The following HCN1 variants were observed in gnomAD, a reference collection of about 807,000 sequenced individuals.
The protein encoded by HCN1 is hyperpolarization activated cyclic nucleotide gated potassium channel 1.
In HCN1, 13 loss-of-function variants were observed where a neutral mutation model predicts 78.9. The observed-to-expected ratio is 0.16, with a 90% CI of 0.11 to 0.26. The LOEUF (loss-of-function observed/expected upper bound fraction) is 0.26. HCN1 is among the 10% of genes least tolerant of loss of function. The pLI, the probability that HCN1 is intolerant of heterozygous loss-of-function variation, is 1.00. For synonymous variants in HCN1, 552 were observed against 455.5 expected (o/e 1.21, Z -2.70); for missense variants, 810 against 1,154.3 (o/e 0.70, Z 4.32).
chr5:45,462,356 G>T (rs887074042), intron 2 of HCN1, among the ~76,000 whole-genome samples: 1 of 152,046 alleles, frequency 6.6e-6, no homozygotes, highest in African/African-American at 2.4e-5. Context: ...TACAAATGAT[G>T]GGTAGCTTCT....
intron 3 of HCN1, among the ~76,000 whole-genome samples, chr5:45,399,522 C>T (rs1215964436): frequency 6.6e-6 from 1 of 152,162 alleles, no homozygotes; most frequent in East Asian, 1.9e-4. Flanking sequence ...ATCAATGAAG[C>T]CAAACCTGCA....
chr5:45,301,293 C>G (rs1443147571), intron 6 of HCN1, among the ~76,000 whole-genome samples: 1 of 136,650 alleles, frequency 7.3e-6, no homozygotes, highest in African/African-American at 2.8e-5. Context: ...ATTATACTCA[C>G]AAATATACTT....
intron 6 of HCN1, among the ~76,000 whole-genome samples, chr5:45,280,951 C>T (rs1184285541): frequency 6.6e-6 from 1 of 151,420 alleles, no homozygotes; most frequent in African/African-American, 2.4e-5. Context: ...AGTTGGTTTA[C>T]CAGTTTAATT....
intron 2 of HCN1, among the ~76,000 whole-genome samples, chr5:45,572,497 T>C (rs1359814026): frequency 6.6e-6 from 1 of 152,230 alleles, no homozygotes; most frequent in Non-Finnish European, 1.5e-5. Context: ...TATAAATGAT[T>C]TTTTAAAAAG....
chr5:45,383,715 T>A (rs1304074390), intron 4 of HCN1, among the ~76,000 whole-genome samples: 1 of 141,344 alleles, frequency 7.1e-6, no homozygotes, highest in Non-Finnish European at 1.5e-5. Flanking sequence ...AGAGACAGAT[T>A]CTGTTTCAAA....
chr5:45,368,425 T>C (rs1747278926), intron 4 of HCN1, among the ~76,000 whole-genome samples: 1 of 152,040 alleles, frequency 6.6e-6, no homozygotes, highest in Non-Finnish European at 1.5e-5. Flanking sequence ...TACATTTAAA[T>C]AGAAATGATA....
chr5:45,306,774 T>G (rs921154857), intron 5 of HCN1, among the ~76,000 whole-genome samples: 2 of 152,066 alleles, frequency 1.3e-5, no homozygotes, highest in African/African-American at 4.8e-5. Flanking sequence ...TTATGGCACT[T>G]GTTATAATTA....
At chr5:45,324,175 A>T (rs960417924) in intron 5 of HCN1, among the ~76,000 whole-genome samples, 22 of 151,910 alleles carry the variant, frequency 1.4e-4, no homozygotes, top group Admixed American at 1.4e-3. Flanking sequence ...TAAACTAAAG[A>T]GCTTCTGCAC....
intron 3 of HCN1, among the ~76,000 whole-genome samples, chr5:45,457,247 C>T (rs997103026): frequency 1.3e-5 from 2 of 151,964 alleles, no homozygotes; most frequent in East Asian, 1.9e-4. Context: ...CGCAAGTTAA[C>T]GTGCATCATT....
At chr5:45,405,769 C>A (rs1202477037) in intron 3 of HCN1, among the ~76,000 whole-genome samples, 1 of 152,044 alleles carries the variant, frequency 6.6e-6, no homozygotes, top group African/African-American at 2.4e-5. Context: ...TGATAACAAC[C>A]TTTTGCCTTA....
intron 3 of HCN1, among the ~76,000 whole-genome samples, chr5:45,440,075 T>C (rs1002041687): frequency 6.7e-6 from 1 of 150,168 alleles, no homozygotes; most frequent in Non-Finnish European, 1.5e-5. Flanking sequence ...AGGATCAACC[T>C]CAATTTGGAG....
At chr5:45,446,601 T>G (rs1740802443) in intron 3 of HCN1, among the ~76,000 whole-genome samples, 1 of 151,972 alleles carries the variant, frequency 6.6e-6, no homozygotes, top group South Asian at 2.1e-4. Context: ...TCACCAAAGT[T>G]GAAATGAAGG....
intron 2 of HCN1, among the ~76,000 whole-genome samples, chr5:45,472,403 T>C (rs1741409136): frequency 2.6e-5 from 4 of 151,820 alleles, no homozygotes; most frequent in Middle Eastern, 6.8e-3. Flanking sequence ...GTGTTCTTAC[T>C]AGATAGTGAG....
In HCN1 at chr5:45,313,120, A is replaced by AG. The variant is rs1217576272; in HGVS notation, c.1378-9282dup. Among the ~76,000 whole-genome samples, 4 of 152,306 alleles carry AG rather than the reference A, an allele frequency of 2.6e-5. No individual in the cohort carries two copies. In the South Asian group the frequency reaches 8.3e-4, roughly 32 times the overall value. ...GCCCAATTGGGAGGCACCCCCCAGT[A>AG]GGGGCAGACTGACACCTCACACGGC... On this transcript the variant is annotated intron_variant, in intron 5 of 7. Transcript: ENST00000303230.
intron 1 of HCN1, among the ~76,000 whole-genome samples, chr5:45,682,158 C>T (rs1739712653): frequency 6.6e-6 from 1 of 151,654 alleles, no homozygotes; most frequent in South Asian, 2.1e-4. Flanking sequence ...CACTTTCCAG[C>T]CTACAGAACC....
At chr5:45,676,964 A>G (rs753991858) in intron 1 of HCN1, among the ~76,000 whole-genome samples, 16 of 151,766 alleles carry the variant, frequency 1.1e-4, no homozygotes, top group Non-Finnish European at 2.1e-4. Context: ...TCCAACTAAT[A>G]CTGGTGGGAA....
chr5:45,327,217 T>G (rs1018093926), intron 5 of HCN1, among the ~76,000 whole-genome samples: 1 of 151,648 alleles, frequency 6.6e-6, no homozygotes, highest in African/African-American at 2.4e-5. Flanking sequence ...AAGCGATTGA[T>G]TTTTAAGTGG....
intron 1 of HCN1, among the ~76,000 whole-genome samples, chr5:45,663,749 C>T (rs983913058): frequency 5.3e-5 from 8 of 151,870 alleles, no homozygotes; most frequent in African/African-American, 1.5e-4. Context: ...AAATCAAAAC[C>T]ACTATGAGGT....
chr5:45,563,030 A>G (rs1374249151), intron 2 of HCN1, among the ~76,000 whole-genome samples: 1 of 152,244 alleles, frequency 6.6e-6, no homozygotes, highest in Non-Finnish European at 1.5e-5. Flanking sequence ...ATTCATATAA[A>G]CAAATTGTAA....
Sources: allele counts gnomAD v4.1 joint callset (sites outside exome capture counted in the v4.1 genomes callset), GRCh38; gene constraint gnomAD v4.1.1; transcripts MANE v1.5; gene names NCBI Gene and HGNC (gene_info 2026-07-23, HGNC 2026-07-21).